The following F8 variants were observed in gnomAD, a reference collection of about 807,000 sequenced individuals.
F8 encodes the protein antihemophilic factor.
In F8, 12 loss-of-function variants were observed where a neutral mutation model predicts 140.6. That is an observed-to-expected ratio of 0.09 (90% confidence interval 0.05 to 0.14). The LOEUF (loss-of-function observed/expected upper bound fraction) is 0.14. F8 is among the 10% of genes least tolerant of loss of function. F8 has a pLI of 1.00. For missense variants in F8, 1,354 were observed against 1,720.7 expected (o/e 0.79, Z 3.77); for synonymous variants, 585 against 614.6 (o/e 0.95, Z 0.71).
Position 154,929,992 on chromosome X carries a change from T to G in F8, c.3798A>C (p.Val1266=). ...CATTTAATGACCTAAAATCTTGAAGTACTGGAGCATATGCCCCGTCATATG... is the reference window on the plus strand; with the variant it reads ...CATTTAATGACCTAAAATCTTGAAGGACTGGAGCATATGCCCCGTCATATG... ...EGSYDGAYAP[V]LQDFRSLNDS... is the part of the protein sequence containing the mutation. Residue 1266 remains valine, a synonymous_variant, in exon 14 of 26, where the codon GTA becomes GTC. Transcript: ENST00000360256. 1.7e-6 allele frequency: 2 copies of G among 1,210,690 alleles called. No individual in the cohort carries two copies. Among genetic ancestry groups the G allele is most frequent in the Non-Finnish European group, 2.2e-6 (2 of 894,574 alleles).
chrX:154,845,464 T>A (rs1488318032), intron 25 of F8, among the ~76,000 whole-genome samples: 1 of 111,953 alleles, frequency 8.9e-6, no homozygotes, highest in African/African-American at 3.3e-5. Context: ...TTGCCTCAAT[T>A]TCAGAGCCTG....
intron 25 of F8, among the ~76,000 whole-genome samples, chrX:154,846,928 T>C (rs782526974): frequency 1.8e-5 from 2 of 112,287 alleles, no homozygotes; most frequent in South Asian, 7.4e-4. Flanking sequence ...GTACCGGTTG[T>C]TCCTTTCTAT....
At chrX:154,900,711 A>C (rs1310223736) in intron 20 of F8, among the ~76,000 whole-genome samples, 1 of 111,863 alleles carries the variant, frequency 8.9e-6, no homozygotes, top group Non-Finnish European at 1.9e-5. Context: ...ACCTCACAAC[A>C]ACATAGGTTG....
At chrX:154,962,333 G>A (rs114674836) in intron 9 of F8, among the ~76,000 whole-genome samples, 3,420 of 111,909 alleles carry the variant, frequency 0.031, 106 homozygotes, top group African/African-American at 0.1. Flanking sequence ...TTTAAAAATT[G>A]TTTCAATTGC....
chrX:154,950,283 C>T (rs937240102), intron 12 of F8, among the ~76,000 whole-genome samples: 3 of 111,957 alleles, frequency 2.7e-5, no homozygotes, highest in African/African-American at 9.8e-5. Flanking sequence ...ATAGGGTATG[C>T]CGATGTTTGG....
At chrX:154,924,150 T>C (rs1557277798) in intron 14 of F8, among the ~76,000 whole-genome samples, 2 of 111,663 alleles carry the variant, frequency 1.8e-5, no homozygotes, top group East Asian at 5.6e-4. Context: ...CAGTCTCAGG[T>C]ATATCTTTAT....
intron 14 of F8, among the ~76,000 whole-genome samples, chrX:154,915,742 TATAAC>T (rs1247233932): frequency 8.9e-6 from 1 of 112,281 alleles, no homozygotes; most frequent in African/African-American, 3.2e-5. Context: ...TTTTTCTAAA[TATAAC>T]ATTATATCGT....
chrX:155,004,402 A>G (rs1190230373), intron 1 of F8, among the ~76,000 whole-genome samples: 5 of 112,403 alleles, frequency 4.4e-5, no homozygotes. Flanking sequence ...ATAAATGAAA[A>G]GAACATCAGC....
intron 13 of F8, among the ~76,000 whole-genome samples, chrX:154,941,072 T>G (rs782044329): frequency 1.7e-3 from 186 of 112,049 alleles, no homozygotes; most frequent in Non-Finnish European, 3.1e-3. Context: ...TGCCAAATTG[T>G]AAAGACCATC....
At chrX:154,901,805 G>A (rs1173802052) in intron 19 of F8, among the ~76,000 whole-genome samples, 1 of 111,351 alleles carries the variant, frequency 9.0e-6, no homozygotes, top group African/African-American at 3.3e-5. Flanking sequence ...ACCAAGTTGT[G>A]AAAATGAGGT....
chrX:154,899,045 G>T (rs1557275777), intron 21 of F8, among the ~76,000 whole-genome samples: 1 of 112,234 alleles, frequency 8.9e-6, no homozygotes, highest in Non-Finnish European at 1.9e-5. Context: ...TACACTTAAG[G>T]TTGAAAATAA....
At chrX:154,987,603 C>CTG (rs1213869365) in intron 4 of F8, among the ~76,000 whole-genome samples, 4 of 112,872 alleles carry the variant, frequency 3.5e-5, no homozygotes, top group African/African-American at 1.3e-4. Flanking sequence ...CCCTCACACA[C>CTG]TGTGTGATAA....
At chrX:154,859,986 C>T (rs1557272716) in intron 25 of F8, among the ~76,000 whole-genome samples, 1 of 111,294 alleles carries the variant, frequency 9.0e-6, no homozygotes, top group African/African-American at 3.3e-5. Context: ...TTGGTAAGGA[C>T]CACATCATGG....
intron 24 of F8, among the ~76,000 whole-genome samples, chrX:154,861,506 A>G (rs2072690422): frequency 8.9e-6 from 1 of 112,259 alleles, no homozygotes. Flanking sequence ...GCTCAGTACT[A>G]GATATAGAGA....
At chrX:154,875,472 A>G (rs782043754) in intron 22 of F8, among the ~76,000 whole-genome samples, 79 of 112,237 alleles carry the variant, frequency 7.0e-4, no homozygotes, top group African/African-American at 2.6e-3. Flanking sequence ...AAAACAAAAT[A>G]TATCAAAACA....
intron 13 of F8, among the ~76,000 whole-genome samples, chrX:154,942,401 A>G (rs1247581718): frequency 9.1e-6 from 1 of 109,922 alleles, no homozygotes; most frequent in Non-Finnish European, 1.9e-5. Context: ...CTACGCAAAT[A>G]AACTAGAAAA....
intron 25 of F8, among the ~76,000 whole-genome samples, chrX:154,851,957 G>T (rs781892235): frequency 8.9e-6 from 1 of 111,875 alleles, no homozygotes; most frequent in East Asian, 2.8e-4. Context: ...TTGTGATTGT[G>T]GTGTCACATC....
intron 14 of F8, among the ~76,000 whole-genome samples, chrX:154,912,270 A>T (rs2073072744): frequency 8.9e-6 from 1 of 111,970 alleles, no homozygotes; most frequent in African/African-American, 3.2e-5. Flanking sequence ...GCCATAAAAT[A>T]TTTCCCAGAC....
At chrX:155,002,682 T>C (rs1034423865) in intron 1 of F8, among the ~76,000 whole-genome samples, 1 of 111,207 alleles carries the variant, frequency 9.0e-6, no homozygotes, top group African/African-American at 3.3e-5. Flanking sequence ...ATACAATTGA[T>C]GTATAAATAT....
Sources: gnomAD v4.1 joint callset for allele counts (sites outside exome capture counted in the v4.1 genomes callset) on GRCh38, gnomAD v4.1.1 for gene constraint, MANE v1.5 for transcripts, NCBI Gene and HGNC (gene_info 2026-07-23, HGNC 2026-07-21) for gene names.